LZTS2: variants seen among roughly 807,000 people sequenced by gnomAD.
The protein encoded by LZTS2 is leucine zipper putative tumor suppressor 2.
Under a neutral mutation model 60.6 loss-of-function variants are expected in LZTS2, and 32 were observed. The ratio of observed to expected loss-of-function variants is 0.53; its 90% CI spans 0.40 to 0.71. LZTS2 has a LOEUF of 0.71. LZTS2 is among the 30% of genes least tolerant of loss of function. The pLI is 0.00. For missense variants in LZTS2, 792 were observed against 901.9 expected, an observed-to-expected ratio of 0.88 and a Z score of 1.56; for synonymous variants, 360 against 393.1, an observed-to-expected ratio of 0.92 and a Z score of 1.00.
At chr10:101,007,148 A>C in exon 4 of LZTS2, 1 of 1,598,130 alleles carries the variant, frequency 6.3e-7, no homozygotes, top group South Asian at 1.1e-5. Context: ...CCTGGAGGAG[A>C]TCACTGCTAC....
At chr10:101,007,520 T>A (rs1852252804) in exon 4 of LZTS2, 1 of 1,332,398 alleles carries the variant, frequency 7.5e-7, no homozygotes, top group South Asian at 1.2e-5. Flanking sequence ...CCTCTTCACA[T>A]TCCCCCCGAC....
rs773195271 is a variant in LZTS2 at position 101,003,982 on chromosome 10, G to C, written c.884G>C (p.Gly295Ala). Residue 295 changes from glycine to alanine, a missense_variant, in exon 2 of 4, where the codon GGC becomes GCC. By Grantham distance (60) the Gly-to-Ala change is moderately conservative. Transcript: ENST00000370220. ...GGCCGTGTGGCTGGGGGGCTTTTGG[G>C]CAGTGGTACTCGGGCCTCCCCTGAC... The C allele has an allele frequency of 1.9e-6, 3 of 1,612,478 alleles. No homozygotes were observed. Among genetic ancestry groups the C allele is most frequent in the Non-Finnish European group, 2.5e-6 (3 of 1,179,470 alleles).
chr10:101,004,297 A>T, intron 2 of LZTS2, 131 bp downstream of exon 3: 1 of 991,302 alleles, frequency 1.0e-6, no homozygotes, highest in Non-Finnish European at 1.4e-6. Context: ...TGCCCTCCCC[A>T]CCAGTTGTCT....
exon 4 of LZTS2, chr10:101,006,709 C>T (rs753068891): frequency 1.1e-5 from 17 of 1,601,750 alleles, no homozygotes; most frequent in Non-Finnish European, 1.4e-5. Context: ...AGCGACACCG[C>T]CAGGAAGCTG....
exon 1 of LZTS2, chr10:101,002,885 A>G: frequency 6.2e-7 from 1 of 1,613,772 alleles, no homozygotes; most frequent in Non-Finnish European, 8.5e-7. Flanking sequence ...CAGCGGGCAC[A>G]CAATGCCCAC....
At chr10:100,998,528 G>A (rs1851960566), upstream of LZTS2, 1 of 152,272 alleles carries the variant, frequency 6.6e-6, no homozygotes, top group South Asian at 2.1e-4. Context: ...CTGGAAGGGG[G>A]GGATGCTCCT....
At chr10:101,002,405 G>A in exon 1 of LZTS2, 3 of 783,186 alleles carry the variant, frequency 3.8e-6, no homozygotes, top group Non-Finnish European at 5.7e-6. Context: ...ATCAGGGCTT[G>A]TTACTGATGT....
intron 2 of LZTS2, 114 bp downstream of exon 3, chr10:101,004,280 A>G: frequency 1.7e-6 from 2 of 1,186,680 alleles, no homozygotes; most frequent in Non-Finnish European, 1.1e-6. Flanking sequence ...TGTAGTTGTG[A>G]CCCCCCTGCC....
chr10:101,003,114 C>T lies in LZTS2; in HGVS notation c.408+168C>T. The T allele has an allele frequency of 4.6e-6, 4 of 860,300 alleles. No individual in the cohort carries two copies. In the East Asian group the frequency reaches 1.1e-4, roughly 23 times the overall value. 53.3% of individuals were successfully genotyped at this position (860,300 alleles called of 1,614,324 possible). On this transcript the variant is annotated intron_variant, in intron 1 of 3. Coordinates refer to ENST00000370220, the Ensembl canonical transcript of LZTS2. The stretch of plus-strand genomic sequence containing the variant: ...TGGATGTGTGACCTCAGGGAAGTCA[C>T]TTAACCTGAGCCTCAGTTTCTAGAA...
exon 1 of LZTS2, chr10:101,000,154 T>A (rs1852004104): frequency 6.6e-6 from 1 of 152,432 alleles, no homozygotes; most frequent in Non-Finnish European, 1.5e-5. Flanking sequence ...TGACTGGTCC[T>A]TGGAGTTTGG....
exon 1 of LZTS2, chr10:101,001,356 GAT>G (rs1852034536): frequency 6.6e-6 from 1 of 152,140 alleles, no homozygotes; most frequent in Non-Finnish European, 1.5e-5. Flanking sequence ...TGAATGAACT[GAT>G]ATATCAAACA....
rs764250230 is a variant in LZTS2, at chr10:101,007,603, G to A, written c.*435G>A. On this transcript the variant is annotated 3_prime_UTR_variant, in exon 4 of 4. Coordinates refer to ENST00000370220, the Ensembl canonical transcript of LZTS2. ...TGCCCACATTGGGGGACAGGGCCGG[G>A]CCTGGGCTCGGTTCCCAGGTTTGAG... The A allele has an allele frequency of 1.3e-5, 16 of 1,272,452 alleles. No individual in the cohort carries two copies. In the South Asian group the frequency reaches 1.7e-4, roughly 13 times the overall value. 78.8% of individuals were successfully genotyped at this position (1,272,452 alleles called of 1,614,324 possible). A position where few individuals can be genotyped will look rare whatever the true frequency, so the allele number is the denominator to read the frequency against.
chr10:101,006,724 G>A (rs1188879243), exon 4 of LZTS2: 2 of 1,601,810 alleles, frequency 1.2e-6, no homozygotes, highest in Non-Finnish European at 1.7e-6. Context: ...AAGCTGAGCA[G>A]CTGCGGGAGA....
chr10:101,002,588 C>T, exon 1 of LZTS2: 1 of 1,546,926 alleles, frequency 6.5e-7, no homozygotes, highest in South Asian at 1.2e-5. Flanking sequence ...GCTCCTGAAG[C>T]TGCCACTGCC....
chr10:100,998,563 C>G (rs1851961699), upstream of LZTS2: 1 of 152,180 alleles, frequency 6.6e-6, no homozygotes, highest in African/African-American at 2.4e-5. Flanking sequence ...CGAGCTCCGG[C>G]AGGCCTTGGC....
upstream of LZTS2, among the ~76,000 whole-genome samples, chr10:100,999,137 G>A (rs750342325): frequency 6.6e-6 from 1 of 152,250 alleles, no homozygotes; most frequent in Non-Finnish European, 1.5e-5. Context: ...AAGTGATCCC[G>A]AGGGGAGGCT....
At chr10:101,006,755 G>A (rs922913950) in exon 4 of LZTS2, 1 of 1,577,840 alleles carries the variant, frequency 6.3e-7, no homozygotes, top group Middle Eastern at 2.1e-4. Context: ...GTTGGATGCT[G>A]AGGCGGCCGG....
chr10:101,004,098 C>A, exon 2 of LZTS2: 1 of 1,613,102 alleles, frequency 6.2e-7, no homozygotes, highest in Non-Finnish European at 8.5e-7. Flanking sequence ...AGGAAAGCTC[C>A]GAGACCGGGA....
At chr10:101,007,350 A>G (rs1852244244) in exon 4 of LZTS2, 1 of 1,416,574 alleles carries the variant, frequency 7.1e-7, no homozygotes, top group Non-Finnish European at 9.2e-7. Flanking sequence ...TTGGAGGAGC[A>G]AGATCAGACC....
Sources: allele counts gnomAD v4.1 joint callset (sites outside exome capture counted in the v4.1 genomes callset), GRCh38; gene constraint gnomAD v4.1.1; transcripts MANE v1.5; gene names NCBI Gene and HGNC (gene_info 2026-07-23, HGNC 2026-07-21).